The following RNF214 variants were observed in gnomAD, a reference collection of about 807,000 sequenced individuals.
The protein encoded by RNF214 is ring finger protein 214.
A neutral mutation model predicts 75.9 loss-of-function variants in RNF214; 25 were observed. The observed-to-expected ratio is 0.33, with a 90% CI of 0.24 to 0.46. The LOEUF (loss-of-function observed/expected upper bound fraction) is 0.46. Among genes scored for constraint, RNF214 ranks in the 20% least tolerant of loss-of-function variants. The pLI is 1.00. For missense variants in RNF214, 725 were observed against 857.5 expected (o/e 0.85, Z 1.93); for synonymous variants, 314 against 308.8 (o/e 1.02, Z -0.18).
chr11:117,240,250 G>A (rs973986271), intron 4 of RNF214, among the ~76,000 whole-genome samples: 3 of 151,754 alleles, frequency 2.0e-5, no homozygotes, highest in African/African-American at 7.3e-5. Context: ...CTACTCAGGA[G>A]TCCTAGCTAC....
At chr11:117,264,414 A>G (rs931597486) in intron 6 of RNF214, among the ~76,000 whole-genome samples, 2 of 152,160 alleles carry the variant, frequency 1.3e-5, no homozygotes, top group African/African-American at 4.8e-5. Context: ...GTTTCTCAAT[A>G]TACTCATCTT....
chr11:117,241,944 A>G (rs1306009691), intron 4 of RNF214, among the ~76,000 whole-genome samples: 1 of 152,198 alleles, frequency 6.6e-6, no homozygotes, highest in African/African-American at 2.4e-5. Flanking sequence ...CTCTCATTCT[A>G]GACACTATTT....
chr11:117,280,961 C>G (rs536640594), intron 8 of RNF214, among the ~76,000 whole-genome samples: 7 of 143,596 alleles, frequency 4.9e-5, no homozygotes, highest in African/African-American at 1.8e-4. Flanking sequence ...CTTTTGCTAT[C>G]TCAGAGAATT....
intron 6 of RNF214, among the ~76,000 whole-genome samples, chr11:117,261,761 T>G (rs1484352500): frequency 6.6e-6 from 1 of 151,770 alleles, no homozygotes; most frequent in Non-Finnish European, 1.5e-5. Flanking sequence ...TTTTCCTGCC[T>G]CAGACTCCCG....
chr11:117,242,412 A>G (rs1164543443), intron 4 of RNF214, among the ~76,000 whole-genome samples: 1 of 152,192 alleles, frequency 6.6e-6, no homozygotes, highest in Non-Finnish European at 1.5e-5. Context: ...TAAAATAGAG[A>G]CTAGCAACTT....
intron 6 of RNF214, among the ~76,000 whole-genome samples, chr11:117,271,980 T>C (rs2033920784): frequency 6.6e-6 from 1 of 152,086 alleles, no homozygotes; most frequent in African/African-American, 2.4e-5. Context: ...GCCCAGTTAA[T>C]CTTTTTATTT....
chr11:117,284,861 C>G (rs28989518), intron 14 of RNF214, among the ~76,000 whole-genome samples: 63 of 152,226 alleles, frequency 4.1e-4, no homozygotes, highest in South Asian at 1.2e-3. Context: ...ACCCAGGAAG[C>G]AGAGGTTCCA....
intron 6 of RNF214, among the ~76,000 whole-genome samples, chr11:117,265,658 G>A (rs181321399): frequency 6.6e-5 from 10 of 152,176 alleles, no homozygotes; most frequent in South Asian, 2.1e-4. Flanking sequence ...CAGGTGATCC[G>A]CTCGCCTTGG....
At chr11:117,247,856 CAAA>C (rs769342396) in intron 6 of RNF214, among the ~76,000 whole-genome samples, 3 of 60,146 alleles carry the variant, frequency 5.0e-5, no homozygotes, top group Non-Finnish European at 6.8e-5. Context: ...GACCCTGTCT[CAAA>C]AAAAAAAAAA....
chr11:117,235,937 A>G (rs957167766), intron 2 of RNF214, among the ~76,000 whole-genome samples: 3 of 151,718 alleles, frequency 2.0e-5, no homozygotes, highest in Admixed American at 1.3e-4. Context: ...TTCTACATAA[A>G]GAGGCTGACT....
chr11:117,282,757 C>T lies in RNF214; in HGVS notation c.1857C>T (p.Arg619=), dbSNP rs748713187. Residue 619 remains arginine (R), a synonymous_variant, in exon 13 of 15, where the codon CGC becomes CGT. Coordinates refer to ENST00000300650, the MANE Select transcript of RNF214 (RefSeq NM_207343.4). ...RVAASTQPLG[R]IRALFPAPLA... ...GTTTCTACCTACAGCCACTTGGTCG[C>T]ATCCGGGCCTTGTTCCCTGCTCCAC... is the stretch of plus-strand genomic sequence containing the variant. 2 of 1,614,040 alleles carry T rather than the reference C, an allele frequency of 1.2e-6. No individual in the cohort carries two copies. The highest frequency in any genetic ancestry group is 1.7e-6 in the Non-Finnish European group (2 of 1,179,886).
intron 6 of RNF214, among the ~76,000 whole-genome samples, chr11:117,253,458 C>G (rs1328766560): frequency 6.6e-6 from 1 of 152,080 alleles, no homozygotes; most frequent in South Asian, 2.1e-4. Flanking sequence ...AGCTTTTATC[C>G]TTCAGGTTAT....
intron 6 of RNF214, among the ~76,000 whole-genome samples, chr11:117,275,990 A>G (rs1377752178): frequency 6.6e-6 from 1 of 152,230 alleles, no homozygotes; most frequent in Non-Finnish European, 1.5e-5. Context: ...AGTCCTCAAC[A>G]AAGTACTAGC....
intron 14 of RNF214, among the ~76,000 whole-genome samples, chr11:117,284,724 G>A (rs1208171662): frequency 6.6e-6 from 1 of 152,066 alleles, no homozygotes; most frequent in Non-Finnish European, 1.5e-5. Context: ...GAGGCCAGGA[G>A]TTCGAGACCA....
At chr11:117,283,775 CTT>C (rs960735909) in intron 14 of RNF214, among the ~76,000 whole-genome samples, 1 of 152,074 alleles carries the variant, frequency 6.6e-6, no homozygotes, top group Non-Finnish European at 1.5e-5. Context: ...GCTTCAGTCT[CTT>C]GAGTAGCTGA....
At position 117,281,603 on chromosome 11, in the gene RNF214, C is replaced by A; in HGVS notation, c.1240C>A (p.Gln414Lys). The A allele has an allele frequency of 2.5e-6, 4 of 1,603,020 alleles. No individual in the cohort carries two copies. Among genetic ancestry groups the A allele is most frequent in the Non-Finnish European group, 3.4e-6 (4 of 1,173,048 alleles). Residue 414 changes from glutamine (Q) to lysine (K), a missense_variant, in exon 10 of 15, where the codon CAA becomes AAA. Gln to Lys is a moderately conservative substitution (Grantham distance 53). This residue lies in a region of RNF214 where 363 missense variants were observed against 513.0 expected (regional missense o/e 0.71). Coordinates refer to ENST00000300650, the MANE Select transcript of RNF214 (RefSeq NM_207343.4). ...VRIMKKNVRD[Q>K]FNSHIQLVRN... ...AAATAATCCTTTTTTTTTTTAGGAC[C>A]AATTTAATAGTCATATCCAGTTAGT...
rs1307877295 is a variant in RNF214 at position 117,285,331 on chromosome 11, A to G, written c.*180A>G. 3.9e-6 allele frequency: 2 copies of G among 509,076 alleles called. No individual in the cohort carries two copies. Among genetic ancestry groups the G allele is most frequent in the East Asian group, 3.3e-5 (1 of 30,376 alleles). 31.5% of individuals were successfully genotyped at this position (509,076 alleles called of 1,614,324 possible). On this transcript the variant is annotated 3_prime_UTR_variant, in exon 15 of 15. Coordinates refer to ENST00000300650, the MANE Select transcript of RNF214 (RefSeq NM_207343.4). ...AATGTTCGTAAATGAAACTATGTATATTATGCAGAAACAGTCTGTTCCCCC... is the reference window on the plus strand; with the variant it reads ...AATGTTCGTAAATGAAACTATGTATGTTATGCAGAAACAGTCTGTTCCCCC...
chr11:117,278,505 C>T (rs1412427145), intron 6 of RNF214, among the ~76,000 whole-genome samples: 2 of 152,158 alleles, frequency 1.3e-5, no homozygotes, highest in Admixed American at 6.5e-5. Flanking sequence ...TGCTTAACGG[C>T]CTCTATAGTT....
chr11:117,272,815 A>G (rs1016662835), intron 6 of RNF214, among the ~76,000 whole-genome samples: 1 of 152,076 alleles, frequency 6.6e-6, no homozygotes, highest in Non-Finnish European at 1.5e-5. Flanking sequence ...TAGAGATGAG[A>G]TGGGAGTATA....
Sources: allele counts gnomAD v4.1 joint callset (sites outside exome capture counted in the v4.1 genomes callset), GRCh38; gene constraint gnomAD v4.1.1; regional missense constraint gnomAD v4.1.1; transcripts MANE v1.5; gene names NCBI Gene and HGNC (gene_info 2026-07-23, HGNC 2026-07-21).